SNX25: variants seen among roughly 807,000 people sequenced by gnomAD.
The protein encoded by SNX25 is sorting nexin 25.
Under a neutral mutation model 113.7 loss-of-function variants are expected in SNX25, and 62 were observed. The observed-to-expected ratio is 0.55, with a 90% CI of 0.44 to 0.67. SNX25 has a LOEUF of 0.67. Among genes scored for constraint, SNX25 ranks in the 30% least tolerant of loss-of-function variants. The pLI is 0.00. For missense variants in SNX25, 1,014 were observed against 1,161.0 expected, an observed-to-expected ratio of 0.87 and a Z score of 1.84; for synonymous variants, 421 against 436.2, an observed-to-expected ratio of 0.97 and a Z score of 0.43.
At chr4:185,281,107 C>T (rs1458130848) in intron 5 of SNX25, among the ~76,000 whole-genome samples, 1 of 152,116 alleles carries the variant, frequency 6.6e-6, no homozygotes, top group South Asian at 2.1e-4. Context: ...CTGTCTCTTG[C>T]TCTTTATGTG....
At chr4:185,335,166 A>G (rs2095220767) in intron 10 of SNX25, among the ~76,000 whole-genome samples, 1 of 152,076 alleles carries the variant, frequency 6.6e-6, no homozygotes, top group Non-Finnish European at 1.5e-5. Flanking sequence ...CTAAAAATAT[A>G]ACAATTAGCC....
At chr4:185,290,579 TTAGA>T (rs1752013661) in intron 6 of SNX25, among the ~76,000 whole-genome samples, 1 of 152,214 alleles carries the variant, frequency 6.6e-6, no homozygotes, top group Non-Finnish European at 1.5e-5. Context: ...GTTAAACTGC[TTAGA>T]TAAACTCTTA....
intron 1 of SNX25, among the ~76,000 whole-genome samples, chr4:185,223,934 A>G (rs1354910882): frequency 1.3e-5 from 2 of 152,216 alleles, no homozygotes; most frequent in Non-Finnish European, 2.9e-5. Context: ...CTTCGGTTAC[A>G]TAAAGGTACA....
At chr4:185,254,173 A>G (rs1442693111) in intron 2 of SNX25, among the ~76,000 whole-genome samples, 5 of 152,170 alleles carry the variant, frequency 3.3e-5, no homozygotes, top group Non-Finnish European at 7.3e-5. Flanking sequence ...CTTTTCTCCC[A>G]GTGACATGCA....
chr4:185,353,281 A>G (rs1285197636), intron 14 of SNX25: 3 of 464,404 alleles, frequency 6.5e-6, no homozygotes, highest in Non-Finnish European at 1.1e-5. Flanking sequence ...AAATTAGCTT[A>G]TTTTAAGCCT....
At chr4:185,310,505 C>A in intron 6 of SNX25, 130 bp from the exon 7 acceptor site, 1 of 594,080 alleles carries the variant, frequency 1.7e-6, no homozygotes, top group South Asian at 4.3e-5. Context: ...ATCATGGATT[C>A]TGTTCTGTTA....
At chr4:185,373,209 C>T, downstream of SNX25, 1 of 817,260 alleles carries the variant, frequency 1.2e-6, no homozygotes, top group South Asian at 1.8e-5. Context: ...GAGCGGTAGG[C>T]CTTTGGACGC....
intron 16 of SNX25, 104 bp downstream of exon 16, chr4:185,357,841 A>C (rs1348259010): frequency 5.2e-6 from 5 of 962,034 alleles, no homozygotes; most frequent in Middle Eastern, 2.1e-4. Flanking sequence ...GAAAGTCTTT[A>C]ATTTTCTCTC....
At chr4:185,243,522 G>A (rs898564549) in intron 1 of SNX25, among the ~76,000 whole-genome samples, 2 of 152,094 alleles carry the variant, frequency 1.3e-5, no homozygotes, top group African/African-American at 4.8e-5. Flanking sequence ...AGGATTGCTT[G>A]AGCCGGGAGA....
rs141928390 is a variant in SNX25, at chr4:185,361,983, A to G, written c.2711A>G (p.Asn904Ser). Residue 904 changes from asparagine (N) to serine (S), a missense_variant, in exon 17 of 19, where the codon AAT becomes AGT. By Grantham distance (46) the Asn-to-Ser change is conservative. Coordinates refer to ENST00000652585, the MANE Select transcript of SNX25 (RefSeq NM_001378034.2). ...GAGCAAATGTTGGTTTACTACATCA[A>G]TATTTTCCGGGATGCTTTTTGGCCA... ...FSEQMLVYYINIFRDAFWPNG... is the reference protein window; with the variant it reads ...FSEQMLVYYISIFRDAFWPNG... The G allele has an allele frequency of 9.2e-5, 148 of 1,614,168 alleles. 1 individual carries two copies. The highest frequency in any genetic ancestry group is 8.3e-4 in the Middle Eastern group (5 of 6,060).
At chr4:185,214,394 C>CA (rs60179052) in intron 1 of SNX25, among the ~76,000 whole-genome samples, 9,056 of 122,166 alleles carry the variant, frequency 0.074, 396 homozygotes, top group African/African-American at 0.14. Flanking sequence ...CCATCTCTAC[C>CA]AAAAAAAAAA....
Position 185,339,434 on chromosome 4 carries a change from T to G in SNX25, c.1970T>G (p.Leu657Arg). 1.2e-6 allele frequency: 2 copies of G among 1,614,114 alleles called. No homozygotes were observed. The highest frequency in any genetic ancestry group is 1.7e-6 in the Non-Finnish European group (2 of 1,179,980). The change falls in exon 11 of 19, where the codon CTT becomes CGT. Residue 657 changes from leucine (L) to arginine (R), a missense_variant. By Grantham distance (102) the Leu-to-Arg change is moderately radical. Transcript: ENST00000652585. Reference sequence around the variant, plus strand: ...CTAATAGAGAAAGAACGCACAGACCTTCAGCTGCACATGGCAAGAACGGAT... The same window carrying G: ...CTAATAGAGAAAGAACGCACAGACCGTCAGCTGCACATGGCAAGAACGGAT... ...IILIEKERTD[L>R]QLHMARTDWW...
chr4:185,362,672 T>C lies in SNX25; in HGVS notation c.2895T>C (p.Asn965=), dbSNP rs1038967740. The C allele has an allele frequency of 1.2e-6, 2 of 1,614,108 alleles. No individual in the cohort carries two copies. The highest frequency in any genetic ancestry group is 3.3e-5 in the Admixed American group (2 of 60,010). ...GCCACGGTATAATAAAAATATTCAA[T>C]GCACTGCAAGAAACAAGAGCCAACA... ...NARHGIIKIF[N]ALQETRANKH... Residue 965 remains asparagine, a synonymous_variant, in exon 18 of 19, where the codon AAT becomes AAC. Transcript: ENST00000652585.
chr4:185,268,652 A>C lies in SNX25; in HGVS notation c.1091+1497A>C, dbSNP rs974321263. 2.0e-5 allele frequency among the ~76,000 whole-genome samples: 3 copies of C among 152,156 alleles called. No homozygotes were observed. The East Asian group carries it at 5.8e-4, about 29-fold the overall frequency. On this transcript the variant is annotated intron_variant, in intron 5 of 18. Coordinates refer to ENST00000652585, the MANE Select transcript of SNX25 (RefSeq NM_001378034.2). ...TGTTTGAATTAGTCGAGGTTTTTAA[A>C]CTTGTGACATTTGCTTTTGAACTAG...
intron 1 of SNX25, among the ~76,000 whole-genome samples, chr4:185,234,023 G>T (rs1369755850): frequency 6.6e-6 from 1 of 151,966 alleles, no homozygotes; most frequent in East Asian, 1.9e-4. Flanking sequence ...ATGCCCTGCT[G>T]ATTTGTTTGT....
intron 5 of SNX25, among the ~76,000 whole-genome samples, chr4:185,279,660 G>A (rs1336354653): frequency 1.3e-5 from 2 of 152,080 alleles, no homozygotes; most frequent in African/African-American, 4.8e-5. Context: ...CATAATATTG[G>A]TGAAGATTAA....
intron 2 of SNX25, among the ~76,000 whole-genome samples, chr4:185,248,189 C>T (rs1030670231): frequency 1.3e-5 from 2 of 152,008 alleles, no homozygotes; most frequent in African/African-American, 4.8e-5. Context: ...AATTTTAGAC[C>T]TTTGGGGACA....
chr4:185,372,498 T>C (rs1209163933), downstream of SNX25, among the ~76,000 whole-genome samples: 1 of 152,246 alleles, frequency 6.6e-6, no homozygotes, highest in African/African-American at 2.4e-5. Flanking sequence ...ATAGAACATG[T>C]AGTAGGCATT....
chr4:185,310,791 A>G lies in SNX25; in HGVS notation c.1319A>G (p.Glu440Gly). ...CAGCAAGAGGATGGGGCCCTGGATG[A>G]GGGGGAAGGGCCTCAAAGCCAGAAG... is the stretch of plus-strand genomic sequence containing the variant. ...YDQQEDGALD[E>G]GEGPQSQKIL... Residue 440 changes from glutamate (E) to glycine (G), a missense_variant, in exon 7 of 19, where the codon GAG becomes GGG. Coordinates refer to ENST00000652585, the MANE Select transcript of SNX25 (RefSeq NM_001378034.2). 1 of 1,612,348 alleles carries G rather than the reference A, an allele frequency of 6.2e-7. No individual in the cohort carries two copies. Among genetic ancestry groups the G allele is most frequent in the Non-Finnish European group, 8.5e-7 (1 of 1,179,328 alleles).
Sources: gnomAD v4.1 joint callset for allele counts (sites outside exome capture counted in the v4.1 genomes callset) on GRCh38, gnomAD v4.1.1 for gene constraint, MANE v1.5 for transcripts, NCBI Gene and HGNC (gene_info 2026-07-23, HGNC 2026-07-21) for gene names.